Variants in GRXCR2 observed in about 807,000 individuals in gnomAD.
GRXCR2 encodes the protein glutaredoxin domain-containing cysteine-rich protein 2.
In GRXCR2, 23 loss-of-function variants were observed where a neutral mutation model predicts 24.8. The observed-to-expected ratio is 0.93, with a 90% CI of 0.67 to 1.32. The LOEUF (loss-of-function observed/expected upper bound fraction) is 1.32, where lower values mean the gene tolerates loss of function less well. Ranked by LOEUF, GRXCR2 falls within the 40% of genes most tolerant of loss-of-function variation. The pLI is 0.00. For missense variants in GRXCR2, 315 were observed against 303.4 expected (o/e 1.04, Z -0.28); for synonymous variants, 130 against 116.1 (o/e 1.12, Z -0.77).
rs946507588 is a variant in GRXCR2 at position 145,895,941 on chromosome 5, A to C, written c.-69-29213T>G. On this transcript the variant is annotated intron_variant, in intron 2 of 3. Transcript: ENST00000639411. The stretch of plus-strand genomic sequence containing the variant: ...ACTGGTACCAATACAGAGATATAGA[A>C]CAATGGAACAGAACAGAGCCCTCAG... Among the ~76,000 whole-genome samples, 10 of 152,140 alleles carry C rather than the reference A, an allele frequency of 6.6e-5. 1 individual carries two copies. The highest frequency in any genetic ancestry group is 6.2e-4 in the South Asian group (3 of 4,834).
At chr5:145,931,254 A>G (rs1257016461) in intron 2 of GRXCR2, among the ~76,000 whole-genome samples, 1 of 151,692 alleles carries the variant, frequency 6.6e-6, no homozygotes, top group Non-Finnish European at 1.5e-5. Context: ...CTGGTCTTGA[A>G]CCCCTGAACT....
chr5:145,922,640 G>A (rs1757338048), intron 2 of GRXCR2, among the ~76,000 whole-genome samples: 1 of 152,126 alleles, frequency 6.6e-6, no homozygotes, highest in Non-Finnish European at 1.5e-5. Context: ...ACAGGCTCCA[G>A]GTATACCATG....
At chr5:145,900,947 A>T (rs933424382) in intron 2 of GRXCR2, among the ~76,000 whole-genome samples, 2 of 152,178 alleles carry the variant, frequency 1.3e-5, no homozygotes, top group Admixed American at 1.3e-4. Flanking sequence ...ATACTGTGGA[A>T]CACTATGCAG....
At chr5:145,891,667 C>A (rs902620575) in intron 2 of GRXCR2, among the ~76,000 whole-genome samples, 1 of 152,066 alleles carries the variant, frequency 6.6e-6, no homozygotes, top group Non-Finnish European at 1.5e-5. Flanking sequence ...CACTGCAGCT[C>A]AAGGAGGCCT....
chr5:145,871,645 T>C (rs1225675053), intron 1 of GRXCR2, among the ~76,000 whole-genome samples: 1 of 152,220 alleles, frequency 6.6e-6, no homozygotes, highest in East Asian at 1.9e-4. Context: ...TTATCTTCGG[T>C]AATTGTGAAC....
chr5:145,926,977 T>A (rs1054867507), intron 2 of GRXCR2, among the ~76,000 whole-genome samples: 1 of 152,180 alleles, frequency 6.6e-6, no homozygotes, highest in African/African-American at 2.4e-5. Flanking sequence ...GGTATTTTAT[T>A]CTCTTTGAAG....
chr5:145,931,663 G>A (rs894473651), intron 2 of GRXCR2, among the ~76,000 whole-genome samples: 1 of 152,162 alleles, frequency 6.6e-6, no homozygotes, highest in African/African-American at 2.4e-5. Context: ...TTGTCCCAAA[G>A]GTTTCTCAGT....
chr5:145,895,876 A>G (rs1478148326), intron 2 of GRXCR2, among the ~76,000 whole-genome samples: 1 of 152,236 alleles, frequency 6.6e-6, no homozygotes, highest in East Asian at 1.9e-4. Context: ...ACCTGACTTC[A>G]AACTATACTA....
Position 145,859,634 on chromosome 5 carries a change from G to C in GRXCR2, c.*99C>G. 2.8e-6 allele frequency: 3 copies of C among 1,085,110 alleles called. No individual in the cohort carries two copies. Among genetic ancestry groups the C allele is most frequent in the Non-Finnish European group, 4.2e-6 (3 of 721,394 alleles). 67.2% of individuals were successfully genotyped at this position (1,085,110 alleles called of 1,614,324 possible). A position where few individuals can be genotyped will look rare whatever the true frequency, so the allele number is the denominator to read the frequency against. On this transcript the variant is annotated 3_prime_UTR_variant, in exon 3 of 3. Coordinates refer to ENST00000377976, the MANE Select transcript of GRXCR2 (RefSeq NM_001080516.2). ...AGTGGGAGTGACTGCAGCCACTGTGGCCTCCTTGTTGGGAGAGGCAGGAGG... is the reference window on the plus strand; with the variant it reads ...AGTGGGAGTGACTGCAGCCACTGTGCCCTCCTTGTTGGGAGAGGCAGGAGG...
At chr5:145,893,080 G>A (rs1246916404) in intron 2 of GRXCR2, among the ~76,000 whole-genome samples, 1 of 152,132 alleles carries the variant, frequency 6.6e-6, no homozygotes, top group South Asian at 2.1e-4. Flanking sequence ...ACAAGCAAAT[G>A]CTGAGAGATT....
At chr5:145,879,628 T>C (rs1274751474) in intron 2 of GRXCR2, among the ~76,000 whole-genome samples, 1 of 152,022 alleles carries the variant, frequency 6.6e-6, no homozygotes, top group African/African-American at 2.4e-5. Flanking sequence ...CCACTGTCAA[T>C]ATTAGACAGA....
chr5:145,879,080 T>A (rs985969489), intron 2 of GRXCR2, among the ~76,000 whole-genome samples: 1 of 152,126 alleles, frequency 6.6e-6, no homozygotes, highest in Non-Finnish European at 1.5e-5. Flanking sequence ...TACCAGCCCC[T>A]GCAAAAACAT....
intron 2 of GRXCR2, among the ~76,000 whole-genome samples, chr5:145,890,860 C>T (rs1057474177): frequency 7.9e-5 from 12 of 151,552 alleles, no homozygotes; most frequent in Non-Finnish European, 1.5e-4. Flanking sequence ...GACTCATTGA[C>T]CTGCTGTCTT....
chr5:145,898,020 C>A (rs1289983469), intron 2 of GRXCR2, among the ~76,000 whole-genome samples: 2 of 151,696 alleles, frequency 1.3e-5, no homozygotes, highest in Non-Finnish European at 2.9e-5. Context: ...TCAAGGAAAC[C>A]AAAAGTTTGC....
chr5:145,926,036 A>G (rs1217258211), intron 2 of GRXCR2, among the ~76,000 whole-genome samples: 1 of 152,052 alleles, frequency 6.6e-6, no homozygotes, highest in Non-Finnish European at 1.5e-5. Flanking sequence ...ACTTGCCCTG[A>G]GTTTAATAAG....
chr5:145,927,281 G>A (rs962468921), intron 2 of GRXCR2, among the ~76,000 whole-genome samples: 1 of 152,158 alleles, frequency 6.6e-6, no homozygotes, highest in African/African-American at 2.4e-5. Flanking sequence ...TAGGAGTGGT[G>A]AGAGAGGGCA....
chr5:145,862,883 G>A (rs971240394), intron 2 of GRXCR2, among the ~76,000 whole-genome samples: 1 of 152,148 alleles, frequency 6.6e-6, no homozygotes, highest in East Asian at 1.9e-4. Flanking sequence ...AAAGTTAAAT[G>A]AACTGTTGCA....
At chr5:145,929,802 T>C (rs1202049684) in intron 2 of GRXCR2, among the ~76,000 whole-genome samples, 1 of 152,098 alleles carries the variant, frequency 6.6e-6, no homozygotes, top group African/African-American at 2.4e-5. Flanking sequence ...GAGGAAGAAA[T>C]GCACTTAAGA....
chr5:145,892,961 G>A (rs186339213), intron 2 of GRXCR2, among the ~76,000 whole-genome samples: 363 of 152,320 alleles, frequency 2.4e-3, no homozygotes, highest in Admixed American at 8.4e-3. Flanking sequence ...AGCCAGAAGA[G>A]AGTGGGGGCC....
Sources: gnomAD v4.1 joint callset for allele counts (sites outside exome capture counted in the v4.1 genomes callset) on GRCh38, gnomAD v4.1.1 for gene constraint, MANE v1.5 for transcripts, NCBI Gene and HGNC (gene_info 2026-07-23, HGNC 2026-07-21) for gene names.